Variants in NDFIP1 observed in about 807,000 individuals in gnomAD.
NDFIP1 encodes the protein Nedd4 family interacting protein 1.
In NDFIP1, 7 loss-of-function variants were observed where a neutral mutation model predicts 28.8. That is an observed-to-expected ratio of 0.24 (90% CI 0.14 to 0.46). NDFIP1 has a LOEUF of 0.46. Among genes scored for constraint, NDFIP1 ranks in the 20% least tolerant of loss-of-function variants. NDFIP1 has a pLI of 0.99. For missense variants in NDFIP1, 194 were observed against 269.1 expected (o/e 0.72, Z 1.95); for synonymous variants, 92 against 101.0 (o/e 0.91, Z 0.53).
intron 1 of NDFIP1, among the ~76,000 whole-genome samples, chr5:142,128,234 T>C (rs1187345392): frequency 1.3e-5 from 2 of 152,144 alleles, no homozygotes; most frequent in African/African-American, 2.4e-5. Flanking sequence ...AGACTGAGCA[T>C]CTTTCCAACT....
At chr5:142,117,237 TCTTTTTTTG>T (rs1219535035) in intron 1 of NDFIP1, among the ~76,000 whole-genome samples, 2 of 137,640 alleles carry the variant, frequency 1.5e-5, no homozygotes, top group Non-Finnish European at 3.0e-5. Flanking sequence ...GATTTCATTT[TCTTTTTTTG>T]CTTTTTTTTT....
At chr5:142,131,535 G>A (rs1757227203) in intron 1 of NDFIP1, among the ~76,000 whole-genome samples, 1 of 152,142 alleles carries the variant, frequency 6.6e-6, no homozygotes. Flanking sequence ...TTTGTGTGAT[G>A]TACTATAATT....
At chr5:142,112,947 G>A (rs1220136540) in intron 1 of NDFIP1, among the ~76,000 whole-genome samples, 10 of 152,142 alleles carry the variant, frequency 6.6e-5, no homozygotes, top group Admixed American at 1.3e-4. Flanking sequence ...CCTGTTGCGT[G>A]TTTCTCTCTC....
At chr5:142,132,057 C>A in intron 2 of NDFIP1, 155 bp from the exon 3 acceptor site, 1 of 1,032,368 alleles carries the variant, frequency 9.7e-7, no homozygotes, top group Non-Finnish European at 1.4e-6. Context: ...AAATCACCCC[C>A]AGTCTCTTAC....
chr5:142,135,842 C>G, intron 4 of NDFIP1, 25 bp downstream of exon 4: 4 of 1,533,390 alleles, frequency 2.6e-6, no homozygotes, highest in Non-Finnish European at 3.6e-6. Flanking sequence ...ATATCAGAAC[C>G]ACCCCCTACA....
In NDFIP1 at chr5:142,110,268, G is replaced by A. The variant is rs75467699; in HGVS notation, c.63+1231G>A. Among the ~76,000 whole-genome samples the A allele has an allele frequency of 1.5e-3, 223 of 152,300 alleles. 3 individuals carry two copies. In the East Asian group the frequency reaches 0.038, roughly 26 times the overall value. ...CAGTTAATCCTTAGATCTCTTCAGAGCACATGGATCTAGCACATGCTTTTT... is the reference window on the plus strand; with the variant it reads ...CAGTTAATCCTTAGATCTCTTCAGAACACATGGATCTAGCACATGCTTTTT... On this transcript the variant is annotated intron_variant, in intron 1 of 7. Transcript: ENST00000253814.
intron 5 of NDFIP1, among the ~76,000 whole-genome samples, chr5:142,139,445 C>T (rs1269280458): frequency 6.6e-6 from 1 of 152,044 alleles, no homozygotes; most frequent in Admixed American, 6.6e-5. Context: ...TGGCACAGGT[C>T]CCCCCTCCCC....
At chr5:142,124,289 T>C (rs1278542150) in intron 1 of NDFIP1, among the ~76,000 whole-genome samples, 2 of 152,200 alleles carry the variant, frequency 1.3e-5, no homozygotes, top group African/African-American at 4.8e-5. Context: ...GGTTGGCTAA[T>C]TAGTGCCTTC....
rs553155176 is a variant in NDFIP1, at chr5:142,153,182, T to C, written c.*1454T>C. 2.3e-6 allele frequency: 1 copy of C among 427,282 alleles called. No homozygotes were observed. The highest frequency in any genetic ancestry group is 2.6e-5 in the Admixed American group (1 of 38,654). 26.5% of individuals were successfully genotyped at this position (427,282 alleles called of 1,614,324 possible). The stretch of plus-strand genomic sequence containing the variant: ...GCATTCAGTCAGTTGAAATTAAAGA[T>C]TCCTCATTTCTCCTGATTTCTATTC... On this transcript the variant is annotated 3_prime_UTR_variant, in exon 8 of 8. Transcript: ENST00000253814.
At chr5:142,133,578 T>C (rs1757246506) in intron 3 of NDFIP1, among the ~76,000 whole-genome samples, 4 of 152,236 alleles carry the variant, frequency 2.6e-5, no homozygotes, top group Admixed American at 2.6e-4. Context: ...TTCACTGTAC[T>C]CTGCAGATCT....
chr5:142,131,661 A>G (rs1268526145), intron 1 of NDFIP1, 147 bp from the exon 2 acceptor site: 1 of 559,282 alleles, frequency 1.8e-6, no homozygotes, highest in Admixed American at 3.4e-5. Flanking sequence ...TGGGAGTAGA[A>G]TACTTTTCTT....
chr5:142,144,265 T>C (rs1011906655), intron 6 of NDFIP1: 1 of 179,954 alleles, frequency 5.6e-6, no homozygotes, highest in Non-Finnish European at 1.2e-5. Flanking sequence ...AATAGGTAGA[T>C]TTTGATGTTT....
At chr5:142,146,921 A>G (rs941547430) in intron 7 of NDFIP1, among the ~76,000 whole-genome samples, 4 of 152,122 alleles carry the variant, frequency 2.6e-5, no homozygotes, top group Non-Finnish European at 4.4e-5. Flanking sequence ...AAAACTATGT[A>G]TGTGGGGTTG....
intron 1 of NDFIP1, among the ~76,000 whole-genome samples, chr5:142,127,232 T>C (rs913476291): frequency 1.3e-5 from 2 of 152,154 alleles, no homozygotes; most frequent in African/African-American, 4.8e-5. Flanking sequence ...GCCAGGCTGG[T>C]CTCAAACTCC....
chr5:142,140,448 C>CAA (rs71576132), intron 5 of NDFIP1, 115 bp from the exon 6 acceptor site: 5,160 of 514,950 alleles, frequency 0.01, no homozygotes, highest in East Asian at 0.023. Context: ...AACTCCGTCT[C>CAA]AAAAAAAAAA....
intron 7 of NDFIP1, among the ~76,000 whole-genome samples, chr5:142,149,186 A>G (rs1219618897): frequency 6.6e-6 from 1 of 152,144 alleles, no homozygotes; most frequent in Non-Finnish European, 1.5e-5. Context: ...ATTTTTTTCC[A>G]TGTGATAACA....
intron 1 of NDFIP1, among the ~76,000 whole-genome samples, chr5:142,120,825 G>A (rs539816235): frequency 7.9e-5 from 12 of 152,200 alleles, no homozygotes; most frequent in Admixed American, 6.5e-4. Flanking sequence ...AACAGGAAAG[G>A]TATTAAATGC....
At chr5:142,125,948 TG>T (rs1757165807) in intron 1 of NDFIP1, among the ~76,000 whole-genome samples, 1 of 152,240 alleles carries the variant, frequency 6.6e-6, no homozygotes, top group Non-Finnish European at 1.5e-5. Flanking sequence ...ATTTTATAAT[TG>T]GGTTGCCTTT....
intron 7 of NDFIP1, among the ~76,000 whole-genome samples, chr5:142,146,669 A>C (rs891118828): frequency 1.3e-5 from 2 of 152,134 alleles, no homozygotes; most frequent in Non-Finnish European, 2.9e-5. Context: ...TGAATTTCTA[A>C]ATGGACTGAG....
Sources: gnomAD v4.1 joint callset for allele counts (sites outside exome capture counted in the v4.1 genomes callset) on GRCh38, gnomAD v4.1.1 for gene constraint, MANE v1.5 for transcripts, NCBI Gene and HGNC (gene_info 2026-07-23, HGNC 2026-07-21) for gene names.